KIAA1328: variants seen among roughly 807,000 people sequenced by gnomAD.
The protein encoded by KIAA1328 is protein hinderin.
In KIAA1328, 52 loss-of-function variants were observed where a neutral mutation model predicts 68.1. The ratio of observed to expected loss-of-function variants is 0.76; its 90% CI spans 0.61 to 0.96. The LOEUF (loss-of-function observed/expected upper bound fraction) is 0.96, where lower values mean the gene tolerates loss of function less well. KIAA1328 is among the 40% of genes least tolerant of loss of function. The pLI is 0.00. For synonymous variants in KIAA1328, 232 were observed against 239.4 expected, an observed-to-expected ratio of 0.97 and a Z score of 0.28; for missense variants, 641 against 677.6, an observed-to-expected ratio of 0.95 and a Z score of 0.60.
At chr18:36,931,529 G>A (rs546291353) in intron 5 of KIAA1328, among the ~76,000 whole-genome samples, 1 of 152,046 alleles carries the variant, frequency 6.6e-6, no homozygotes, top group East Asian at 1.9e-4. Context: ...CCATGAAACC[G>A]GTCCTTGATG....
intron 5 of KIAA1328, among the ~76,000 whole-genome samples, chr18:36,888,268 G>A (rs1474472487): frequency 6.6e-6 from 1 of 151,982 alleles, no homozygotes; most frequent in African/African-American, 2.4e-5. Flanking sequence ...CTGCTTTTGT[G>A]CACCAACTGC....
Position 37,027,994 on chromosome 18 carries a change from G to T in KIAA1328, c.577-38896G>T, listed in dbSNP as rs199864233. 3.3e-5 allele frequency among the ~76,000 whole-genome samples: 5 copies of T among 152,154 alleles called. No individual in the cohort carries two copies. The East Asian group carries it at 9.7e-4, about 29-fold the overall frequency. On this transcript the variant is annotated intron_variant, in intron 6 of 9. Transcript: ENST00000280020. ...AGGGCTAATATCCAGAATCTACAAA[G>T]AACTCAAACAAATTTACAAGAAAAA...
chr18:37,118,499 A>G (rs2058183016), intron 7 of KIAA1328, among the ~76,000 whole-genome samples: 1 of 152,180 alleles, frequency 6.6e-6, no homozygotes, highest in Non-Finnish European at 1.5e-5. Context: ...TGTCCTAAGG[A>G]ATCCTCCTGT....
chr18:37,187,357 C>G (rs1254154904), intron 9 of KIAA1328, among the ~76,000 whole-genome samples: 2 of 151,986 alleles, frequency 1.3e-5, no homozygotes, highest in Non-Finnish European at 1.5e-5. Flanking sequence ...AGAATAGGGA[C>G]CCTGCATCAA....
intron 8 of KIAA1328, among the ~76,000 whole-genome samples, chr18:37,171,429 G>C (rs978793912): frequency 6.6e-6 from 1 of 152,056 alleles, no homozygotes; most frequent in African/African-American, 2.4e-5. Context: ...TGCCCAGGCT[G>C]GTCTTCAACT....
At chr18:37,132,932 C>A (rs971514563) in intron 7 of KIAA1328, among the ~76,000 whole-genome samples, 3 of 152,194 alleles carry the variant, frequency 2.0e-5, no homozygotes, top group Non-Finnish European at 4.4e-5. Flanking sequence ...AATATTGATA[C>A]ATGCAACAAC....
chr18:36,990,581 G>C (rs1004163248), intron 6 of KIAA1328, among the ~76,000 whole-genome samples: 67 of 152,086 alleles, frequency 4.4e-4, no homozygotes, highest in East Asian at 7.7e-4. Flanking sequence ...TGAGGCAGGA[G>C]AATTGCTTGA....
At chr18:36,984,774 T>C (rs2052841870) in intron 6 of KIAA1328, among the ~76,000 whole-genome samples, 4 of 151,648 alleles carry the variant, frequency 2.6e-5, no homozygotes, top group Admixed American at 2.6e-4. Context: ...GGTGTGATGG[T>C]GCATGCCCGT....
intron 7 of KIAA1328, chr18:37,075,474 A>T (rs1330848505): frequency 6.6e-6 from 1 of 152,220 alleles, no homozygotes. Context: ...ACAAATTCAC[A>T]CATAACAATA....
intron 7 of KIAA1328, among the ~76,000 whole-genome samples, chr18:37,142,881 C>T (rs1445645886): frequency 6.6e-6 from 1 of 151,468 alleles, no homozygotes; most frequent in Non-Finnish European, 1.5e-5. Flanking sequence ...GGAGAACTGA[C>T]ACCCTAAAAA....
intron 7 of KIAA1328, among the ~76,000 whole-genome samples, chr18:37,098,500 A>G (rs937372613): frequency 1.3e-5 from 2 of 152,082 alleles, no homozygotes; most frequent in Admixed American, 1.3e-4. Context: ...GGATTTTTGC[A>G]TTGATGTTCA....
chr18:37,106,662 T>C (rs1241513869), intron 7 of KIAA1328, among the ~76,000 whole-genome samples: 3 of 152,056 alleles, frequency 2.0e-5, no homozygotes, highest in Non-Finnish European at 1.5e-5. Context: ...CAAGCCTGGC[T>C]TGGCCTCCCA....
At chr18:37,152,545 T>C (rs2059059107) in intron 7 of KIAA1328, among the ~76,000 whole-genome samples, 1 of 152,104 alleles carries the variant, frequency 6.6e-6, no homozygotes, top group Non-Finnish European at 1.5e-5. Flanking sequence ...TTTTTCTTAA[T>C]TGTCCTGAGC....
intron 6 of KIAA1328, among the ~76,000 whole-genome samples, chr18:37,029,051 G>A (rs2054712800): frequency 6.6e-6 from 1 of 152,072 alleles, no homozygotes; most frequent in Non-Finnish European, 1.5e-5. Context: ...TAGGGTCAAA[G>A]TCCCTCCTAC....
intron 7 of KIAA1328, among the ~76,000 whole-genome samples, chr18:37,122,187 G>T (rs2058288662): frequency 6.6e-6 from 1 of 152,054 alleles, no homozygotes; most frequent in Non-Finnish European, 1.5e-5. Flanking sequence ...AGAAAATTGT[G>T]TCATAAAAGT....
At chr18:36,931,017 G>T (rs2050289731) in intron 5 of KIAA1328, among the ~76,000 whole-genome samples, 1 of 151,994 alleles carries the variant, frequency 6.6e-6, no homozygotes, top group African/African-American at 2.4e-5. Flanking sequence ...CTTACCTACT[G>T]TCTTTATGTT....
chr18:37,213,480 A>G (rs1334295469), intron 9 of KIAA1328, among the ~76,000 whole-genome samples: 2 of 152,176 alleles, frequency 1.3e-5, no homozygotes, highest in African/African-American at 2.4e-5. Flanking sequence ...AGATGAACTC[A>G]TCCTTTTTTA....
chr18:36,996,438 A>G (rs1041124973), intron 6 of KIAA1328, among the ~76,000 whole-genome samples: 4 of 152,234 alleles, frequency 2.6e-5, no homozygotes, highest in Non-Finnish European at 4.4e-5. Context: ...ATTGAAGTAC[A>G]TTAAAATGTT....
At chr18:37,100,180 T>A (rs182100070) in intron 7 of KIAA1328, among the ~76,000 whole-genome samples, 17 of 152,294 alleles carry the variant, frequency 1.1e-4, no homozygotes. Context: ...GGCGCAGGGC[T>A]GTGGGTGCAG....
Sources: gnomAD v4.1 joint callset for allele counts (sites outside exome capture counted in the v4.1 genomes callset) on GRCh38, gnomAD v4.1.1 for gene constraint, MANE v1.5 for transcripts, NCBI Gene and HGNC (gene_info 2026-07-23, HGNC 2026-07-21) for gene names.